CDS2: variants seen among roughly 807,000 people sequenced by gnomAD.
The protein encoded by CDS2 is phosphatidate cytidylyltransferase 2.
CDS2 carries 47 observed loss-of-function variants against 59.0 expected under a neutral mutation model. That is an observed-to-expected ratio of 0.80 (90% CI 0.63 to 1.02). The LOEUF is 1.02. CDS2 is among the 50% of genes least tolerant of loss of function. The probability of loss-of-function intolerance (pLI) is 0.00; values close to 1 mark genes in which losing one functional copy is unlikely to be tolerated. For missense variants in CDS2, 356 were observed against 558.9 expected (o/e 0.64, Z 3.66); for synonymous variants, 207 against 206.4 (o/e 1.00, Z -0.02).
intron 5 of CDS2, among the ~76,000 whole-genome samples, chr20:5,179,719 TC>T (rs1184554771): frequency 6.6e-6 from 1 of 152,246 alleles, no homozygotes; most frequent in East Asian, 1.9e-4. Context: ...TTTCTGAGTC[TC>T]AGCTCTTTTG....
chr20:5,158,149 G>T (rs2090847979), intron 1 of CDS2, among the ~76,000 whole-genome samples: 1 of 149,500 alleles, frequency 6.7e-6, no homozygotes, highest in Non-Finnish European at 1.5e-5. Flanking sequence ...CAAAAGATTG[G>T]CTCCTGCTTT....
chr20:5,154,805 A>G (rs571133267), intron 1 of CDS2, among the ~76,000 whole-genome samples: 74 of 151,970 alleles, frequency 4.9e-4, no homozygotes, highest in African/African-American at 1.6e-3. Context: ...GTGCCACTAC[A>G]CTCATTTAAT....
intron 1 of CDS2, among the ~76,000 whole-genome samples, chr20:5,156,910 T>G (rs1240607411): frequency 6.6e-6 from 1 of 152,182 alleles, no homozygotes; most frequent in Non-Finnish European, 1.5e-5. Flanking sequence ...TGTTACGTGT[T>G]CTTGTCATCT....
At chr20:5,173,483 C>G in intron 1 of CDS2, 40 bp from the exon 2 acceptor site, 1 of 1,611,494 alleles carries the variant, frequency 6.2e-7, no homozygotes, top group Non-Finnish European at 8.5e-7. Context: ...GTCTACTCGG[C>G]ACTTTTGACC....
rs968606248 is a variant in CDS2 at position 5,192,474 on chromosome 20, A to AT, written c.*2246dup. On this transcript the variant is annotated 3_prime_UTR_variant, in exon 13 of 13. Coordinates refer to ENST00000460006, the MANE Select transcript of CDS2 (RefSeq NM_003818.4). ...TCCTGCATGCTTTCTGGAGATGAGG[A>AT]TTTTTTGTCAGGTAGCTAGGAGAGC... 1 of 152,398 alleles carries AT rather than the reference A, an allele frequency of 6.6e-6. No homozygotes were observed. Among genetic ancestry groups the AT allele is most frequent in the South Asian group, 2.1e-4 (1 of 4,822 alleles). The allele number at this position is 152,398 out of a possible 1,614,324, so 9.4% of individuals were successfully genotyped here. A position where few individuals can be genotyped will look rare whatever the true frequency, so the allele number is the denominator to read the frequency against.
chr20:5,172,938 G>A (rs986743448), intron 1 of CDS2, among the ~76,000 whole-genome samples: 2 of 152,182 alleles, frequency 1.3e-5, no homozygotes, highest in Admixed American at 6.5e-5. Flanking sequence ...CCCAGGGCCT[G>A]GTGGCAGGGA....
At position 5,176,407 on chromosome 20, in the gene CDS2, A is replaced by G. The variant is rs192032570; in HGVS notation, c.292-241A>G. On this transcript the variant is annotated intron_variant, in intron 3 of 12. Coordinates refer to ENST00000460006, the MANE Select transcript of CDS2 (RefSeq NM_003818.4). Reference sequence around the variant, plus strand: ...CCCTGTCTTAAAAAAAAAAAAGTTAATTGAAACATCAGGGTGTGTATTTTA... The same window carrying G: ...CCCTGTCTTAAAAAAAAAAAAGTTAGTTGAAACATCAGGGTGTGTATTTTA... The G allele has an allele frequency of 7.6e-4, 340 of 448,872 alleles. 1 individual carries two copies. The highest frequency in any genetic ancestry group is 2.4e-3 in the Admixed American group (71 of 29,180). 27.8% of individuals were successfully genotyped at this position (448,872 alleles called of 1,614,324 possible).
At chr20:5,130,643 C>T (rs1013012036) in intron 1 of CDS2, among the ~76,000 whole-genome samples, 11 of 151,870 alleles carry the variant, frequency 7.2e-5, no homozygotes, top group African/African-American at 2.2e-4. Flanking sequence ...ATTAGCCGGG[C>T]GTGGTGGTGC....
chr20:5,181,720 C>G (rs2091035014), intron 5 of CDS2, among the ~76,000 whole-genome samples: 1 of 152,166 alleles, frequency 6.6e-6, no homozygotes. Flanking sequence ...GTATAGCCTC[C>G]TACACACCTA....
intron 1 of CDS2, among the ~76,000 whole-genome samples, chr20:5,127,526 G>C (rs1454520010): frequency 6.6e-6 from 1 of 152,222 alleles, no homozygotes. Context: ...TCCTCTGAGC[G>C]CAACTTAGGC....
At chr20:5,149,456 T>G (rs186748710) in intron 1 of CDS2, among the ~76,000 whole-genome samples, 1 of 152,296 alleles carries the variant, frequency 6.6e-6, no homozygotes, top group East Asian at 1.9e-4. Flanking sequence ...ATTTGAAGTA[T>G]TATTTTGGCT....
At chr20:5,156,675 C>T (rs1441209100) in intron 1 of CDS2, among the ~76,000 whole-genome samples, 1 of 152,198 alleles carries the variant, frequency 6.6e-6, no homozygotes, top group Non-Finnish European at 1.5e-5. Flanking sequence ...GCTCATGTAA[C>T]TTAGAAGACT....
chr20:5,185,090 G>T, intron 8 of CDS2, 145 bp downstream of exon 8: 2 of 639,260 alleles, frequency 3.1e-6, no homozygotes, highest in Non-Finnish European at 5.6e-6. Flanking sequence ...AAGGCCAAAG[G>T]AAAACACTGA....
Position 5,190,295 on chromosome 20 carries a change from G to A in CDS2, c.*61G>A, listed in dbSNP as rs575819305. Reference sequence around the variant, plus strand: ...GAGCAGGGGCAGGTCTCCAAGGCAAGCCCAGCTGGTGTGACTTAGACAATG... The same window carrying A: ...GAGCAGGGGCAGGTCTCCAAGGCAAACCCAGCTGGTGTGACTTAGACAATG... On this transcript the variant is annotated 3_prime_UTR_variant, in exon 13 of 13. Transcript: ENST00000460006. 6.6e-7 allele frequency: 1 copy of A among 1,517,182 alleles called. No individual in the cohort carries two copies. 94.0% of individuals were successfully genotyped at this position (1,517,182 alleles called of 1,614,324 possible).
intron 1 of CDS2, among the ~76,000 whole-genome samples, chr20:5,168,044 C>A (rs897184011): frequency 6.6e-6 from 1 of 152,122 alleles, no homozygotes; most frequent in Non-Finnish European, 1.5e-5. Context: ...TTTTTAGTTC[C>A]TCTTAGGCAA....
At chr20:5,167,533 G>GAT (rs1364595116) in intron 1 of CDS2, among the ~76,000 whole-genome samples, 1 of 152,114 alleles carries the variant, frequency 6.6e-6, no homozygotes, top group Non-Finnish European at 1.5e-5. Context: ...ACACTGGCCA[G>GAT]ATATATGTAT....
At chr20:5,170,195 T>A (rs1414932917) in intron 1 of CDS2, among the ~76,000 whole-genome samples, 1 of 152,170 alleles carries the variant, frequency 6.6e-6, no homozygotes, top group Non-Finnish European at 1.5e-5. Context: ...TTTCCTGGAC[T>A]GGCCACTGCC....
intron 1 of CDS2, among the ~76,000 whole-genome samples, chr20:5,139,078 A>G (rs552631010): frequency 1.2e-4 from 19 of 152,342 alleles, no homozygotes; most frequent in African/African-American, 4.3e-4. Context: ...GTGGTGGCTC[A>G]TGCCTGTAAT....
At chr20:5,170,593 C>T (rs1447783938) in intron 1 of CDS2, among the ~76,000 whole-genome samples, 1 of 152,184 alleles carries the variant, frequency 6.6e-6, no homozygotes, top group African/African-American at 2.4e-5. Context: ...AGGGATTTGC[C>T]GTTGGCACCT....
Sources: allele counts gnomAD v4.1 joint callset (sites outside exome capture counted in the v4.1 genomes callset), GRCh38; gene constraint gnomAD v4.1.1; transcripts MANE v1.5; gene names NCBI Gene and HGNC (gene_info 2026-07-23, HGNC 2026-07-21).